The following ASNS variants were observed in gnomAD, a reference collection of about 807,000 sequenced individuals.
ASNS encodes asparagine synthetase [glutamine-hydrolyzing].
ASNS carries 37 observed loss-of-function variants against 62.6 expected under a neutral mutation model. That is an observed-to-expected ratio of 0.59 (90% confidence interval 0.45 to 0.78). ASNS has a LOEUF of 0.78. Ranked by LOEUF, ASNS falls within the 30% of genes least tolerant of loss-of-function variation. The probability of loss-of-function intolerance (pLI) is 0.00; values close to 1 mark genes in which losing one functional copy is unlikely to be tolerated. For missense variants in ASNS, 520 were observed against 682.4 expected (o/e 0.76, Z 2.65); for synonymous variants, 207 against 237.9 (o/e 0.87, Z 1.19).
chr7:97,915,335 A>G, the ASNS span, among the ~76,000 whole-genome samples: 1 of 152,222 alleles, frequency 6.6e-6, no homozygotes, highest in Admixed American at 6.5e-5. Context: ...GCTTCAAACC[A>G]TCACTATCTA....
chr7:97,891,945 G>A, the ASNS span, among the ~76,000 whole-genome samples: 1 of 152,326 alleles, frequency 6.6e-6, no homozygotes, highest in African/African-American at 2.4e-5. Flanking sequence ...TCCACTAGGT[G>A]GCGCTGCAGT....
chr7:97,884,857 G>A, the ASNS span, among the ~76,000 whole-genome samples: 1 of 151,106 alleles, frequency 6.6e-6, no homozygotes, highest in Middle Eastern at 3.4e-3. Context: ...AAAAAGAAAC[G>A]CTGTATCCAT....
At chr7:97,917,105 A>C in the ASNS span, among the ~76,000 whole-genome samples, 14 of 152,056 alleles carry the variant, frequency 9.2e-5, no homozygotes, top group African/African-American at 2.9e-4. Context: ...CGGAACTCTC[A>C]TACATAGCAA....
At chr7:97,858,205 A>G (rs1298861693) in intron 7 of ASNS, 73 bp downstream of exon 7, 1 of 1,564,118 alleles carries the variant, frequency 6.4e-7, no homozygotes, top group African/African-American at 1.4e-5. Context: ...ATCACCCATT[A>G]TTGACTCCAT....
At chr7:97,891,755 T>G in the ASNS span, among the ~76,000 whole-genome samples, 1 of 152,128 alleles carries the variant, frequency 6.6e-6, no homozygotes, top group African/African-American at 2.4e-5. Context: ...ATGTAAGAGG[T>G]GGGCTCCCAT....
chr7:97,917,587 G>A, the ASNS span, among the ~76,000 whole-genome samples: 1 of 152,214 alleles, frequency 6.6e-6, no homozygotes, highest in Non-Finnish European at 1.5e-5. Context: ...AGAACACACA[G>A]CACAGCCCCA....
At chr7:97,898,755 C>T in the ASNS span, 5 of 669,448 alleles carry the variant, frequency 7.5e-6, no homozygotes, top group African/African-American at 8.9e-5. Context: ...TCAACATGAG[C>T]TTCAATCATT....
chr7:97,854,481 G>T, intron 10 of ASNS, 99 bp downstream of exon 10: 1 of 1,419,888 alleles, frequency 7.0e-7, no homozygotes, highest in Non-Finnish European at 9.6e-7. Flanking sequence ...TAGCCAATCA[G>T]CTATTGATTT....
the ASNS span, among the ~76,000 whole-genome samples, chr7:97,903,602 GAA>G: frequency 6.6e-6 from 1 of 152,128 alleles, no homozygotes; most frequent in East Asian, 1.9e-4. Flanking sequence ...GCCCAGCTCT[GAA>G]AGTCTTCCCC....
chr7:97,886,238 C>G, the ASNS span, among the ~76,000 whole-genome samples: 1 of 152,322 alleles, frequency 6.6e-6, no homozygotes, highest in African/African-American at 2.4e-5. Flanking sequence ...ACCTCCACCT[C>G]CCGGGTTCAA....
Position 97,851,970 on chromosome 7 carries a change from T to C in ASNS, c.*289A>G. On this transcript the variant is annotated 3_prime_UTR_variant, in exon 13 of 13. Transcript: ENST00000394308. Reference sequence around the variant, plus strand: ...ACACGGGCACAAGATGCAAATGTCATCTAAAGCAGCTCTGCCAGGAGAGGG... The same window carrying C: ...ACACGGGCACAAGATGCAAATGTCACCTAAAGCAGCTCTGCCAGGAGAGGG... 1 of 391,402 alleles carries C rather than the reference T, an allele frequency of 2.6e-6. No individual in the cohort carries two copies. The highest frequency in any genetic ancestry group is 2.8e-5 in the South Asian group (1 of 35,952). The allele number at this position is 391,402 out of a possible 1,614,324, so 24.2% of individuals were successfully genotyped here. A position where few individuals can be genotyped will look rare whatever the true frequency, so the allele number is the denominator to read the frequency against.
chr7:97,880,934 TTTTTG>T, the ASNS span, among the ~76,000 whole-genome samples: 12,689 of 150,210 alleles, frequency 0.084, 604 homozygotes, highest in East Asian at 0.11. Context: ...TGTGTGTGTG[TTTTTG>T]TTTTGTTTTG....
intron 1 of ASNS, among the ~76,000 whole-genome samples, chr7:97,871,500 A>T (rs1394989964): frequency 2.9e-5 from 3 of 102,878 alleles, no homozygotes; most frequent in Admixed American, 2.7e-4. Flanking sequence ...ATGATTTAAA[A>T]TTTAAAAAAA....
chr7:97,860,281 A>G (rs771562958), intron 4 of ASNS, among the ~76,000 whole-genome samples: 16 of 152,246 alleles, frequency 1.1e-4, no homozygotes, highest in Non-Finnish European at 2.2e-4. Flanking sequence ...AAGCACTGAG[A>G]AAAGAAAATT....
chr7:97,852,539 A>G, intron 12 of ASNS, 71 bp from the exon 13 acceptor site: 1 of 1,433,934 alleles, frequency 7.0e-7, no homozygotes, highest in Non-Finnish European at 9.8e-7. Flanking sequence ...GTCTCATTTC[A>G]CGAAACAGAA....
At chr7:97,880,062 C>T in the ASNS span, among the ~76,000 whole-genome samples, 2 of 151,980 alleles carry the variant, frequency 1.3e-5, no homozygotes, top group Non-Finnish European at 2.9e-5. Context: ...AAATGTATTT[C>T]TGACAAATGC....
chr7:97,884,550 C>CA, the ASNS span, among the ~76,000 whole-genome samples: 3 of 151,490 alleles, frequency 2.0e-5, no homozygotes, highest in Non-Finnish European at 2.9e-5. Flanking sequence ...AGTCCGTCTC[C>CA]AAAAAAAAGT....
At chr7:97,865,090 A>G (rs559508567) in intron 3 of ASNS, among the ~76,000 whole-genome samples, 4 of 152,232 alleles carry the variant, frequency 2.6e-5, no homozygotes, top group Non-Finnish European at 5.9e-5. Context: ...ACCATGTGGA[A>G]AATCTGTGGC....
chr7:97,926,038 GC>G, the ASNS span, among the ~76,000 whole-genome samples: 6 of 146,440 alleles, frequency 4.1e-5, no homozygotes, highest in East Asian at 2.0e-4. Flanking sequence ...GGAAATCAAT[GC>G]CCCCCACCCT....
Sources: gnomAD v4.1 joint callset for allele counts (sites outside exome capture counted in the v4.1 genomes callset) on GRCh38, gnomAD v4.1.1 for gene constraint, MANE v1.5 for transcripts, NCBI Gene and HGNC (gene_info 2026-07-23, HGNC 2026-07-21) for gene names.